Variants in COX7B2 observed in about 807,000 individuals in gnomAD.
COX7B2 encodes the protein cytochrome c oxidase subunit 7B2, mitochondrial.
For synonymous variants in COX7B2, 37 were observed against 32.1 expected, an observed-to-expected ratio of 1.15 and a Z score of -0.51; for missense variants, 109 against 95.9, an observed-to-expected ratio of 1.14 and a Z score of -0.57.
At chr4:46,803,375 T>C (rs1190161476) in intron 2 of COX7B2, among the ~76,000 whole-genome samples, 3 of 152,304 alleles carry the variant, frequency 2.0e-5, no homozygotes, top group Non-Finnish European at 2.9e-5. Flanking sequence ...ATTTGGGATA[T>C]AATTATACTA....
intron 1 of COX7B2, among the ~76,000 whole-genome samples, chr4:46,861,940 A>G (rs996788318): frequency 6.6e-6 from 1 of 152,060 alleles, no homozygotes; most frequent in Admixed American, 6.6e-5. Context: ...CTGTTATCCA[A>G]TTAGCCCCAG....
chr4:46,825,106 A>T (rs1248358604), intron 2 of COX7B2, among the ~76,000 whole-genome samples: 1 of 152,096 alleles, frequency 6.6e-6, no homozygotes, highest in Non-Finnish European at 1.5e-5. Context: ...ATCTCTGCAG[A>T]TGACATGATT....
At chr4:46,812,790 C>T (rs1276784609) in intron 2 of COX7B2, among the ~76,000 whole-genome samples, 1 of 152,168 alleles carries the variant, frequency 6.6e-6, no homozygotes, top group Non-Finnish European at 1.5e-5. Flanking sequence ...TGTTTAGCCC[C>T]AGAAAGTGCA....
intron 2 of COX7B2, among the ~76,000 whole-genome samples, chr4:46,835,483 T>C (rs561083971): frequency 2.0e-5 from 3 of 151,470 alleles, no homozygotes; most frequent in Non-Finnish European, 4.4e-5. Flanking sequence ...TGTTCGAGAA[T>C]CATGGTGGAA....
At chr4:46,833,013 C>A (rs1369563441) in intron 2 of COX7B2, among the ~76,000 whole-genome samples, 2 of 152,002 alleles carry the variant, frequency 1.3e-5, no homozygotes, top group East Asian at 1.9e-4. Flanking sequence ...TCAAGTGATT[C>A]TCCTGCTTCA....
intron 2 of COX7B2, among the ~76,000 whole-genome samples, chr4:46,813,497 C>G (rs1406256221): frequency 6.6e-6 from 1 of 152,076 alleles, no homozygotes; most frequent in Non-Finnish European, 1.5e-5. Context: ...TAAGTGGGAG[C>G]TGAACGATGA....
chr4:46,777,585 G>C (rs543268400), intron 2 of COX7B2, among the ~76,000 whole-genome samples: 1 of 152,092 alleles, frequency 6.6e-6, no homozygotes, highest in Non-Finnish European at 1.5e-5. Flanking sequence ...GGTATAAATG[G>C]GGGAACTTGC....
Position 46,782,656 on chromosome 4 carries a change from C to T in COX7B2, c.-49-47415G>A, listed in dbSNP as rs189683207. ...TGCTGCTGCTCACTCTTTGGGTCTGCGCCACTTTTAAGAGCTGTAACACTC... is the reference window on the plus strand; with the variant it reads ...TGCTGCTGCTCACTCTTTGGGTCTGTGCCACTTTTAAGAGCTGTAACACTC... On this transcript the variant is annotated intron_variant, in intron 2 of 2. Coordinates refer to ENST00000355591, the MANE Select transcript of COX7B2 (RefSeq NM_130902.3). Among the ~76,000 whole-genome samples the T allele has an allele frequency of 4.1e-4, 63 of 152,260 alleles. 1 individual carries two copies. Among genetic ancestry groups the T allele is most frequent in the African/African-American group, 1.3e-3 (52 of 41,556 alleles).
At chr4:46,751,000 A>G (rs1715337488) in intron 2 of COX7B2, among the ~76,000 whole-genome samples, 1 of 152,214 alleles carries the variant, frequency 6.6e-6, no homozygotes, top group Non-Finnish European at 1.5e-5. Flanking sequence ...CAAACAGTCC[A>G]TAACAATGAA....
Position 46,832,054 on chromosome 4 carries a change from A to G in COX7B2, c.-50+12906T>C, listed in dbSNP as rs138353146. Among the ~76,000 whole-genome samples the G allele has an allele frequency of 5.7e-3, 873 of 152,332 alleles. 13 individuals carry two copies. The highest frequency in any genetic ancestry group is 0.02 in the African/African-American group (833 of 41,574). On this transcript the variant is annotated intron_variant, in intron 2 of 2. Transcript: ENST00000355591. ...TCTGTAAAATGGACCAATCAGCAGGATGTGGGTGGGGCCAGATAAGAGAAT... is the reference window on the plus strand; with the variant it reads ...TCTGTAAAATGGACCAATCAGCAGGGTGTGGGTGGGGCCAGATAAGAGAAT...
intron 1 of COX7B2, chr4:46,904,152 T>G (rs1720235646): frequency 1.3e-5 from 2 of 152,232 alleles, no homozygotes; most frequent in African/African-American, 4.8e-5. Context: ...CAAATTCCTT[T>G]AAAATCTGGG....
chr4:46,756,337 G>A (rs1377932005), intron 2 of COX7B2, among the ~76,000 whole-genome samples: 5 of 151,726 alleles, frequency 3.3e-5, no homozygotes, highest in Non-Finnish European at 2.9e-5. Context: ...CTAAACATAA[G>A]ACCTAAAAGT....
At chr4:46,770,038 A>G (rs1027422909) in intron 2 of COX7B2, among the ~76,000 whole-genome samples, 1 of 152,168 alleles carries the variant, frequency 6.6e-6, no homozygotes, top group Non-Finnish European at 1.5e-5. Context: ...ATGCATCCAA[A>G]TCAGAAGGAA....
intron 2 of COX7B2, among the ~76,000 whole-genome samples, chr4:46,798,726 AC>A (rs1007058677): frequency 4.6e-5 from 7 of 152,156 alleles, no homozygotes; most frequent in Non-Finnish European, 1.0e-4. Flanking sequence ...TTTCTGACAT[AC>A]CAAGCCATAA....
intron 2 of COX7B2, among the ~76,000 whole-genome samples, chr4:46,750,246 T>TCACACACACACACAC (rs1715286060): frequency 1.8e-5 from 1 of 54,466 alleles, no homozygotes; most frequent in Non-Finnish European, 4.4e-5. Flanking sequence ...ACACACACAT[T>TCACACACACACACAC]ATCCAGGTGT....
chr4:46,830,623 T>A (rs1324725796), intron 2 of COX7B2, among the ~76,000 whole-genome samples: 1 of 152,152 alleles, frequency 6.6e-6, no homozygotes, highest in Non-Finnish European at 1.5e-5. Context: ...ACAGAGCAAT[T>A]GTATTGGTTG....
chr4:46,860,558 T>C (rs1411354951), intron 1 of COX7B2, among the ~76,000 whole-genome samples: 1 of 152,146 alleles, frequency 6.6e-6, no homozygotes, highest in African/African-American at 2.4e-5. Flanking sequence ...GCCCCTTCTT[T>C]GACATCTGGT....
intron 1 of COX7B2, among the ~76,000 whole-genome samples, chr4:46,863,965 A>G (rs1717492092): frequency 6.6e-6 from 1 of 152,204 alleles, no homozygotes; most frequent in Non-Finnish European, 1.5e-5. Flanking sequence ...TGAAAAACTA[A>G]TTCAGGTCAT....
chr4:46,783,793 AAAG>A (rs1353045248), intron 2 of COX7B2, among the ~76,000 whole-genome samples: 3 of 151,886 alleles, frequency 2.0e-5, no homozygotes, highest in East Asian at 3.8e-4. Flanking sequence ...GGAAGAAAAG[AAAG>A]AAGAAGAAAA....
Sources: gnomAD v4.1 joint callset for allele counts (sites outside exome capture counted in the v4.1 genomes callset) on GRCh38, gnomAD v4.1.1 for gene constraint, MANE v1.5 for transcripts, NCBI Gene and HGNC (gene_info 2026-07-23, HGNC 2026-07-21) for gene names.